SMIM35: variants seen among roughly 807,000 people sequenced by gnomAD.
SMIM35 encodes the protein small integral membrane protein 35, also known as TMPRSS4 antisense RNA 1 (non-protein coding).
At chr11:118,079,522 G>T (rs1170611216) in intron 1 of SMIM35, among the ~76,000 whole-genome samples, 1 of 152,238 alleles carries the variant, frequency 6.6e-6, no homozygotes, top group Non-Finnish European at 1.5e-5. Context: ...CCATAGCTGA[G>T]GCCTGGAGGG....
At chr11:118,011,353 C>T (rs1369957185) in intron 4 of SMIM35, among the ~76,000 whole-genome samples, 1 of 152,182 alleles carries the variant, frequency 6.6e-6, no homozygotes, top group African/African-American at 2.4e-5. Context: ...CGGGCATGGA[C>T]TGCAGACCCA....
chr11:118,047,709 C>G (rs988356170), intron 1 of SMIM35, among the ~76,000 whole-genome samples: 16 of 152,350 alleles, frequency 1.1e-4, no homozygotes, highest in Admixed American at 6.5e-4. Flanking sequence ...TAAGTTATTT[C>G]AGCAGCCAAA....
At position 118,014,715 on chromosome 11, in the gene SMIM35, G is replaced by T. The variant is rs1228079884; in HGVS notation, c.151C>A (p.Gln51Lys). The stretch of plus-strand genomic sequence containing the variant: ...TTCCCTGAATTTACTCACCGGATTT[G>T]ATATAAGTTGAAGACAAAATTAGGC... ...EGPNFVFNLY[Q>K]IRNLKDLEMG... The change falls in exon 3 of 5, where the codon CAA becomes AAA. Residue 51 changes from glutamine to lysine, a missense_variant. Gln to Lys is a moderately conservative substitution (Grantham distance 53). Coordinates refer to ENST00000689828, the MANE Select transcript of SMIM35 (RefSeq NM_001394165.1). 1 of 398,830 alleles carries T rather than the reference G, an allele frequency of 2.5e-6. No homozygotes were observed. The highest frequency in any genetic ancestry group is 4.4e-6 in the Non-Finnish European group (1 of 226,032). 24.7% of individuals were successfully genotyped at this position (398,830 alleles called of 1,614,324 possible).
intron 1 of SMIM35, among the ~76,000 whole-genome samples, chr11:118,080,902 T>C (rs1224060146): frequency 1.3e-5 from 2 of 152,190 alleles, no homozygotes; most frequent in African/African-American, 4.8e-5. Context: ...AGTAAAACGC[T>C]TCAAGTTCCC....
At chr11:118,049,354 T>TC (rs1330533901) in intron 1 of SMIM35, among the ~76,000 whole-genome samples, 1 of 140,792 alleles carries the variant, frequency 7.1e-6, no homozygotes, top group Non-Finnish European at 1.5e-5. Context: ...TTTTTTTTTT[T>TC]TTTTTTTTTT....
intron 1 of SMIM35, among the ~76,000 whole-genome samples, chr11:118,053,180 C>T (rs888759325): frequency 9.9e-5 from 15 of 152,098 alleles, no homozygotes; most frequent in African/African-American, 3.4e-4. Context: ...GTTGGCAGGG[C>T]GCCTATAATC....
intron 1 of SMIM35, among the ~76,000 whole-genome samples, chr11:118,041,010 G>C (rs1943991553): frequency 6.6e-6 from 1 of 151,684 alleles, no homozygotes; most frequent in Non-Finnish European, 1.5e-5. Flanking sequence ...GAGGAGAAGA[G>C]ACTAGAGCTA....
chr11:118,079,060 G>A (rs1039965041), intron 1 of SMIM35, among the ~76,000 whole-genome samples: 2 of 152,122 alleles, frequency 1.3e-5, no homozygotes, highest in Non-Finnish European at 2.9e-5. Flanking sequence ...GAGGAGCGGG[G>A]GAGGGCAGGT....
chr11:118,040,891 T>C (rs1943989100), intron 1 of SMIM35, among the ~76,000 whole-genome samples: 1 of 151,918 alleles, frequency 6.6e-6, no homozygotes, highest in African/African-American at 2.4e-5. Context: ...ATTATAACAA[T>C]ATATTGCTGA....
At chr11:118,086,348 G>T (rs1945554549) in intron 1 of SMIM35, among the ~76,000 whole-genome samples, 1 of 152,380 alleles carries the variant, frequency 6.6e-6, no homozygotes, top group African/African-American at 2.4e-5. Flanking sequence ...CTGAGATGGG[G>T]GATGAGGTGC....
chr11:118,068,586 G>A (rs1944521901), intron 1 of SMIM35, among the ~76,000 whole-genome samples: 1 of 152,198 alleles, frequency 6.6e-6, no homozygotes, highest in Admixed American at 6.5e-5. Context: ...TTCATTCTCA[G>A]CCTGAACCCA....
chr11:118,047,958 G>A (rs962435817), intron 1 of SMIM35, among the ~76,000 whole-genome samples: 1 of 152,206 alleles, frequency 6.6e-6, no homozygotes, highest in African/African-American at 2.4e-5. Flanking sequence ...AGTCTCTTAG[G>A]AGGTGTCTCT....
At chr11:118,071,514 C>T (rs1944571105) in intron 1 of SMIM35, among the ~76,000 whole-genome samples, 1 of 152,218 alleles carries the variant, frequency 6.6e-6, no homozygotes, top group Non-Finnish European at 1.5e-5. Flanking sequence ...TCCCTCCACG[C>T]TGCATTCCAG....
chr11:118,032,455 T>C (rs1302371012), intron 1 of SMIM35, among the ~76,000 whole-genome samples: 1 of 152,244 alleles, frequency 6.6e-6, no homozygotes, highest in Non-Finnish European at 1.5e-5. Flanking sequence ...TTTTAATGTA[T>C]ATATACACCT....
intron 1 of SMIM35, among the ~76,000 whole-genome samples, chr11:118,024,392 G>C (rs923640763): frequency 6.6e-6 from 1 of 152,166 alleles, no homozygotes; most frequent in Non-Finnish European, 1.5e-5. Flanking sequence ...TACAGGTCAA[G>C]GGTATGGTGT....
In SMIM35 at chr11:118,027,319, G is replaced by A. The variant is rs12292478; in HGVS notation, c.8-11510C>T. 5.4e-3 allele frequency among the ~76,000 whole-genome samples: 798 copies of A among 147,880 alleles called. 7 individuals are homozygous for A. Among genetic ancestry groups the A allele is most frequent in the African/African-American group, 0.019 (769 of 39,862 alleles). On this transcript the variant is annotated intron_variant, in intron 1 of 4. Transcript: ENST00000689828. ...TGGGATTACAGGCGTGAGCCACCGC[G>A]CCCGGCCCACTTTTTTTTTTGCGTG...
chr11:118,009,315 G>C (rs924788212), intron 4 of SMIM35, among the ~76,000 whole-genome samples: 1 of 152,204 alleles, frequency 6.6e-6, no homozygotes, highest in Non-Finnish European at 1.5e-5. Flanking sequence ...CTAGAAGTGG[G>C]TGACAAAGGA....
intron 1 of SMIM35, among the ~76,000 whole-genome samples, chr11:118,028,332 C>G: frequency 6.6e-6 from 1 of 152,206 alleles, no homozygotes; most frequent in Non-Finnish European, 1.5e-5. Context: ...CCCTAAGGCT[C>G]TTTAGCCTTG....
intron 1 of SMIM35, among the ~76,000 whole-genome samples, chr11:118,066,177 T>C (rs773474985): frequency 2.6e-5 from 4 of 152,078 alleles, no homozygotes; most frequent in Non-Finnish European, 5.9e-5. Flanking sequence ...GTTTGCCACC[T>C]TGGTAGGTGG....
Sources: gnomAD v4.1 joint callset for allele counts (sites outside exome capture counted in the v4.1 genomes callset) on GRCh38, gnomAD v4.1.1 for gene constraint, MANE v1.5 for transcripts, NCBI Gene and HGNC (gene_info 2026-07-23, HGNC 2026-07-21) for gene names.